Variants in ATRN observed in about 807,000 individuals in gnomAD.
ATRN encodes the protein attractin-2.
A neutral mutation model predicts 178.7 loss-of-function variants in ATRN; 54 were observed. The ratio of observed to expected loss-of-function variants is 0.30; its 90% confidence interval spans 0.24 to 0.38. ATRN has a LOEUF of 0.38. Among genes scored for constraint, ATRN ranks in the 10% least tolerant of loss-of-function variants. ATRN has a pLI of 1.00. For synonymous variants in ATRN, 636 were observed against 663.0 expected (o/e 0.96, Z 0.63); for missense variants, 1,443 against 1,815.1 (o/e 0.79, Z 3.73).
chr20:3,537,302 C>G (rs78598889), intron 2 of ATRN, among the ~76,000 whole-genome samples: 5 of 152,190 alleles, frequency 3.3e-5, no homozygotes, highest in African/African-American at 1.2e-4. Flanking sequence ...AAGAAAATGT[C>G]TGCCAGATAT....
intron 19 of ATRN, among the ~76,000 whole-genome samples, chr20:3,591,977 C>T (rs952216086): frequency 4.6e-5 from 7 of 152,214 alleles, no homozygotes; most frequent in African/African-American, 1.7e-4. Flanking sequence ...CTTAGGCCCA[C>T]CTCACAGGTC....
intron 1 of ATRN, 64 bp downstream of exon 1, chr20:3,471,581 G>C: frequency 2.2e-6 from 3 of 1,361,556 alleles, no homozygotes; most frequent in Middle Eastern, 5.0e-4. Context: ...GGGCGTTCGA[G>C]ACGGCTCCAG....
At chr20:3,575,998 G>T in intron 13 of ATRN, 50 bp downstream of exon 13, 1 of 1,596,824 alleles carries the variant, frequency 6.3e-7, no homozygotes, top group Non-Finnish European at 8.5e-7. Context: ...TTTGTCATAG[G>T]TTTAGCTTTT....
intron 22 of ATRN, among the ~76,000 whole-genome samples, chr20:3,599,863 T>C (rs2086585702): frequency 6.6e-6 from 1 of 152,176 alleles, no homozygotes; most frequent in Non-Finnish European, 1.5e-5. Context: ...GTCTTATCAG[T>C]AAATGAGAAG....
intron 12 of ATRN, among the ~76,000 whole-genome samples, chr20:3,574,343 C>A (rs1022120625): frequency 6.6e-6 from 1 of 152,198 alleles, no homozygotes; most frequent in African/African-American, 2.4e-5. Flanking sequence ...GAGACCCTGT[C>A]TCTACCAAAA....
chr20:3,578,060 T>G (rs1049070012), intron 14 of ATRN, among the ~76,000 whole-genome samples: 12 of 152,206 alleles, frequency 7.9e-5, no homozygotes, highest in African/African-American at 2.9e-4. Flanking sequence ...GCCATATCAC[T>G]TGGGTTGTTT....
At chr20:3,548,642 G>A (rs932613470) in intron 5 of ATRN, among the ~76,000 whole-genome samples, 4 of 150,774 alleles carry the variant, frequency 2.7e-5, no homozygotes, top group Admixed American at 2.6e-4. Context: ...TAAAAGATAC[G>A]CATATGAAAA....
At chr20:3,494,408 A>G (rs1337437340) in intron 1 of ATRN, among the ~76,000 whole-genome samples, 2 of 152,148 alleles carry the variant, frequency 1.3e-5, no homozygotes, top group Non-Finnish European at 1.5e-5. Flanking sequence ...CCTTGGTAAC[A>G]TTATAAAGAA....
chr20:3,596,303 G>T, intron 20 of ATRN, 74 bp from the exon 21 acceptor site: 1 of 1,397,996 alleles, frequency 7.2e-7, no homozygotes. Flanking sequence ...TATATAAAAG[G>T]ATCTGTTTGG....
At position 3,622,972 on chromosome 20, in the gene ATRN, C is replaced by G. The variant is rs760242567; in HGVS notation, c.3802-1539C>G. 1.4e-4 allele frequency among the ~76,000 whole-genome samples: 22 copies of G among 152,138 alleles called. 1 individual carries two copies. Among genetic ancestry groups the G allele is most frequent in the Admixed American group, 8.5e-4 (13 of 15,274 alleles). On this transcript the variant is annotated intron_variant, in intron 24 of 28. Coordinates refer to ENST00000262919, the MANE Select transcript of ATRN (RefSeq NM_139321.3). ...CACCAGATAAGTCCTCAGACAGTGC[C>G]CTTAGCATCCAGTGGTTTTTGGCAT...
At chr20:3,511,053 TG>T (rs2085119667) in intron 1 of ATRN, among the ~76,000 whole-genome samples, 1 of 152,190 alleles carries the variant, frequency 6.6e-6, no homozygotes, top group Non-Finnish European at 1.5e-5. Context: ...GAAAATGTTT[TG>T]AGTGGAATGG....
intron 1 of ATRN, among the ~76,000 whole-genome samples, chr20:3,502,319 A>G (rs2084975590): frequency 6.6e-6 from 1 of 152,198 alleles, no homozygotes; most frequent in Non-Finnish European, 1.5e-5. Context: ...CCTGCTAAGT[A>G]CAACTCTAAA....
chr20:3,500,665 A>G (rs1450978488), intron 1 of ATRN, among the ~76,000 whole-genome samples: 2 of 130,398 alleles, frequency 1.5e-5, no homozygotes, highest in East Asian at 2.3e-4. Context: ...GAAGGGGAAC[A>G]TCACACTCTG....
In ATRN at chr20:3,562,264, T is replaced by G. The variant is rs1255614605; in HGVS notation, c.1448-12T>G. ...CCTGCCATGCTTGCCTTTAACTGTC[T>G]TTCCTTTCCAGATAAGAACACATGG... is the stretch of plus-strand genomic sequence containing the variant. On this transcript the variant is annotated splice_polypyrimidine_tract_variant and intron_variant, in intron 8 of 28. Coordinates refer to ENST00000262919, the MANE Select transcript of ATRN (RefSeq NM_139321.3). The G allele has an allele frequency of 2.5e-6, 4 of 1,605,906 alleles. No homozygotes were observed. The highest frequency in any genetic ancestry group is 3.4e-6 in the Non-Finnish European group (4 of 1,175,192).
At chr20:3,539,668 T>C (rs1448365006) in intron 2 of ATRN, among the ~76,000 whole-genome samples, 1 of 152,122 alleles carries the variant, frequency 6.6e-6, no homozygotes, top group Non-Finnish European at 1.5e-5. Context: ...GCAGAGACCA[T>C]TGCTGGAACC....
Position 3,645,654 on chromosome 20 carries a change from G to A in ATRN, c.4166-1069G>A, listed in dbSNP as rs372096742. On this transcript the variant is annotated intron_variant, in intron 28 of 28. Transcript: ENST00000262919. The surrounding 1 kb of genome is among the most constrained non-coding windows in gnomAD (Gnocchi z 4.7). Reference sequence around the variant, plus strand: ...TTGAGACCCACCCAACAGTGGGGCCGTCCTTGCTGCCCCTTCTGTACCCCC... The same window carrying A: ...TTGAGACCCACCCAACAGTGGGGCCATCCTTGCTGCCCCTTCTGTACCCCC... Among the ~76,000 whole-genome samples, 3 of 151,702 alleles carry A rather than the reference G, an allele frequency of 2.0e-5. No homozygotes were observed. Among genetic ancestry groups the A allele is most frequent in the Non-Finnish European group, 2.9e-5 (2 of 67,816 alleles).
At position 3,646,767 on chromosome 20, in the gene ATRN, C is replaced by A. The variant is rs1264903271; in HGVS notation, c.4210C>A (p.Pro1404Thr). The A allele has an allele frequency of 3.1e-6, 5 of 1,606,976 alleles. No homozygotes were observed. Among genetic ancestry groups the A allele is most frequent in the Non-Finnish European group, 3.4e-6 (4 of 1,176,650 alleles). Residue 1404 changes from proline (P) to threonine (T), a missense_variant, in exon 29 of 29, where the codon CCG (proline) becomes ACG (threonine). Around this residue, in one of 4 missense-constraint regions of ATRN, gnomAD observed 289 missense variants for 440.8 expected, o/e 0.66. Transcript: ENST00000262919. ...SALVDISQQM[P>T]IVYKEKSGAV... Reference sequence around the variant, plus strand: ...CCTGGTGGACATTTCTCAGCAGATGCCGATAGTGTACAAGGAGAAGTCAGG... The same window carrying A: ...CCTGGTGGACATTTCTCAGCAGATGACGATAGTGTACAAGGAGAAGTCAGG...
chr20:3,508,130 C>T (rs553363930), intron 1 of ATRN, among the ~76,000 whole-genome samples: 1 of 151,850 alleles, frequency 6.6e-6, no homozygotes, highest in East Asian at 1.9e-4. Context: ...GGGATGATTC[C>T]TTGAGCCCAG....
At chr20:3,545,933 C>T (rs111242909) in intron 4 of ATRN, 43 bp downstream of exon 4, 1 of 1,592,682 alleles carries the variant, frequency 6.3e-7, no homozygotes, top group Admixed American at 1.7e-5. Context: ...ATTCAGGAGA[C>T]TATCTACTAT....
Sources: gnomAD v4.1 joint callset for allele counts (sites outside exome capture counted in the v4.1 genomes callset) on GRCh38, gnomAD v4.1.1 for gene constraint, gnomAD v4.1.1 regional missense constraint, Gnocchi (gnomAD v3.1) non-coding constraint, MANE v1.5 for transcripts, NCBI Gene and HGNC (gene_info 2026-07-23, HGNC 2026-07-21) for gene names.